Variants in DENND5A observed in about 807,000 individuals in gnomAD.
DENND5A encodes DENN domain containing 5A.
DENND5A carries 64 observed loss-of-function variants against 140.3 expected under a neutral mutation model. That is an observed-to-expected ratio of 0.46 (90% CI 0.37 to 0.56). DENND5A has a LOEUF of 0.56. Among genes scored for constraint, DENND5A ranks in the 20% least tolerant of loss-of-function variants. DENND5A has a pLI of 0.00. For missense variants in DENND5A, 1,292 were observed against 1,593.8 expected (o/e 0.81, Z 3.22); for synonymous variants, 605 against 607.7 (o/e 1.00, Z 0.07).
rs572958478 is a variant in DENND5A at position 9,219,580 on chromosome 11, T to G, written c.110-11948A>C. Among the ~76,000 whole-genome samples, 118 of 152,266 alleles carry G rather than the reference T, an allele frequency of 7.7e-4. 1 individual carries two copies. The highest frequency in any genetic ancestry group is 1.3e-3 in the Non-Finnish European group (90 of 68,040). ...ACGAGAATTAACAAAAAAAAACGAC[T>G]TACATATGGGATGGAGGAAACTGGA... is the stretch of plus-strand genomic sequence containing the variant. On this transcript the variant is annotated intron_variant, in intron 1 of 22. Transcript: ENST00000328194.
rs370862162 is a variant in DENND5A, at chr11:9,150,730, A to G, written c.2556T>C (p.Asp852=). 3.1e-6 allele frequency: 5 copies of G among 1,613,468 alleles called. No homozygotes were observed. In the African/African-American group the frequency reaches 5.3e-5, roughly 17 times the overall value. Residue 852 remains aspartate, a synonymous_variant, in exon 14 of 23, where the codon GAT becomes GAC. Transcript: ENST00000328194. Reference sequence around the variant, plus strand: ...TCAGGGGAGGCATGAGTGAGCTGGCATCAGACTTCCTACGTTCTGAATCAA... The same window carrying G: ...TCAGGGGAGGCATGAGTGAGCTGGCGTCAGACTTCCTACGTTCTGAATCAA... ...ILLDSERRKS[D]ASSLMPPLRI...
At chr11:9,175,706 T>C (rs1590234612) in intron 8 of DENND5A, 1 of 152,082 alleles carries the variant, frequency 6.6e-6, no homozygotes, top group Admixed American at 6.5e-5. Flanking sequence ...TAATAACATT[T>C]TGACAAAAGC....
At chr11:9,165,613 T>C (rs1848163382) in intron 11 of DENND5A, among the ~76,000 whole-genome samples, 1 of 152,090 alleles carries the variant, frequency 6.6e-6, no homozygotes, top group Admixed American at 6.5e-5. Flanking sequence ...CTTAATACTT[T>C]TGTAAAGACA....
At chr11:9,228,937 G>A (rs1245447518) in intron 1 of DENND5A, among the ~76,000 whole-genome samples, 1 of 152,166 alleles carries the variant, frequency 6.6e-6, no homozygotes, top group African/African-American at 2.4e-5. Flanking sequence ...AGAGTTCTAT[G>A]AGCCATTCTG....
chr11:9,225,538 T>A (rs1352493270), intron 1 of DENND5A, among the ~76,000 whole-genome samples: 1 of 152,162 alleles, frequency 6.6e-6, no homozygotes, highest in East Asian at 1.9e-4. Flanking sequence ...AGCCAGCCGA[T>A]CACTTGTGGT....
At chr11:9,170,578 CCTATTACAG>C in intron 9 of DENND5A, 40 bp downstream of exon 9, 1 of 1,609,216 alleles carries the variant, frequency 6.2e-7, no homozygotes, top group South Asian at 1.1e-5. Context: ...ACTAGATGAC[CCTATTACAG>C]CTAGGGAGTT....
At chr11:9,263,344 C>T (rs1852290987) in intron 1 of DENND5A, among the ~76,000 whole-genome samples, 1 of 151,696 alleles carries the variant, frequency 6.6e-6, no homozygotes, top group Non-Finnish European at 1.5e-5. Context: ...CCTCAGCCTC[C>T]TGAGTAGCTG....
Position 9,152,225 on chromosome 11 carries a change from C to T in DENND5A, c.2521+133G>A. On this transcript the variant is annotated intron_variant, in intron 13 of 22. Coordinates refer to ENST00000328194, the MANE Select transcript of DENND5A (RefSeq NM_015213.4). ...CTGTGGTTCAGAGAGTCTGGTGGCT[C>T]CATATTTAAAAGAGAAAACATTCCA... The T allele has an allele frequency of 5.5e-6, 4 of 722,362 alleles. No individual in the cohort carries two copies. In the South Asian group the frequency reaches 6.4e-5, roughly 12 times the overall value. 44.7% of individuals were successfully genotyped at this position (722,362 alleles called of 1,614,324 possible).
chr11:9,203,246 C>T (rs775639138), intron 4 of DENND5A, among the ~76,000 whole-genome samples: 2 of 152,216 alleles, frequency 1.3e-5, no homozygotes, highest in Non-Finnish European at 2.9e-5. Context: ...AGATGCAACA[C>T]ATCCACATTT....
At chr11:9,203,480 A>C in intron 4 of DENND5A, 180 bp downstream of exon 4, 1 of 617,994 alleles carries the variant, frequency 1.6e-6, no homozygotes, top group Non-Finnish European at 2.7e-6. Flanking sequence ...GAAGATAGTT[A>C]ATCAGAAATA....
intron 5 of DENND5A, among the ~76,000 whole-genome samples, chr11:9,183,317 G>T (rs774839268): frequency 6.6e-6 from 1 of 152,092 alleles, no homozygotes; most frequent in African/African-American, 2.4e-5. Context: ...AACAATAAAT[G>T]TCAAGGATTT....
At chr11:9,162,542 A>AT (rs903318128) in intron 11 of DENND5A, among the ~76,000 whole-genome samples, 4 of 151,800 alleles carry the variant, frequency 2.6e-5, no homozygotes, top group African/African-American at 9.7e-5. Flanking sequence ...CCTGGCCAGT[A>AT]TTTTATTTAT....
intron 1 of DENND5A, among the ~76,000 whole-genome samples, chr11:9,237,525 C>G (rs1431036092): frequency 2.0e-5 from 3 of 152,180 alleles, no homozygotes; most frequent in Non-Finnish European, 4.4e-5. Flanking sequence ...ACATTACTAG[C>G]AGAGGTCTAA....
rs1417145693 is a variant in DENND5A at position 9,265,119 on chromosome 11, C to G, written c.-50G>C. The G allele has an allele frequency of 6.2e-6, 7 of 1,127,476 alleles. No individual in the cohort carries two copies. The highest frequency in any genetic ancestry group is 7.7e-6 in the Non-Finnish European group (7 of 907,920). 69.8% of individuals were successfully genotyped at this position (1,127,476 alleles called of 1,614,324 possible). A position where few individuals can be genotyped will look rare whatever the true frequency, so the allele number is the denominator to read the frequency against. On this transcript the variant is annotated 5_prime_UTR_variant, in exon 1 of 23. Transcript: ENST00000328194. The surrounding 1 kb of genome is among the most constrained non-coding windows in gnomAD (Gnocchi z 4.7). ...GCAGTGCGGAGCGGCACCGAGCCCC[C>G]GCAACCCGGGCGCCCGCCCGTCCGC...
At chr11:9,235,427 G>A (rs1240872450) in intron 1 of DENND5A, among the ~76,000 whole-genome samples, 1 of 152,180 alleles carries the variant, frequency 6.6e-6, no homozygotes, top group Non-Finnish European at 1.5e-5. Context: ...GGGAGGCCAA[G>A]ATGGGCAGAT....
chr11:9,170,049 G>A (rs1011915843), intron 9 of DENND5A, 100 bp from the exon 10 acceptor site: 28 of 951,350 alleles, frequency 2.9e-5, no homozygotes, highest in Non-Finnish European at 1.3e-5. Flanking sequence ...GTCAATGCTG[G>A]ACACAGGAAA....
At chr11:9,211,457 T>C (rs1254166851) in intron 1 of DENND5A, among the ~76,000 whole-genome samples, 1 of 152,134 alleles carries the variant, frequency 6.6e-6, no homozygotes, top group Admixed American at 6.5e-5. Context: ...AAGAATGCTC[T>C]CTGGAGGGAG....
At chr11:9,168,657 T>C (rs977295373) in intron 10 of DENND5A, among the ~76,000 whole-genome samples, 1 of 152,178 alleles carries the variant, frequency 6.6e-6, no homozygotes, top group African/African-American at 2.4e-5. Flanking sequence ...AGTGCAACTG[T>C]ATCCTATAAA....
chr11:9,227,860 C>T (rs973083408), intron 1 of DENND5A, among the ~76,000 whole-genome samples: 35 of 151,844 alleles, frequency 2.3e-4, no homozygotes, highest in African/African-American at 8.5e-4. Context: ...TAAATCCCAG[C>T]ACTTTGGGAG....
Sources: allele counts gnomAD v4.1 joint callset (sites outside exome capture counted in the v4.1 genomes callset), GRCh38; gene constraint gnomAD v4.1.1; non-coding constraint Gnocchi (gnomAD v3.1); transcripts MANE v1.5; gene names NCBI Gene and HGNC (gene_info 2026-07-23, HGNC 2026-07-21).